The following PIERCE2 variants were observed in gnomAD, a reference collection of about 807,000 sequenced individuals.
PIERCE2 encodes piercer of microtubule wall 2, also known as piercer of microtubule wall 2 protein.
chr15:55,413,549 G>A, the PIERCE2 span, among the ~76,000 whole-genome samples: 15 of 151,990 alleles, frequency 9.9e-5, no homozygotes, highest in Non-Finnish European at 1.9e-4. Context: ...ACTTGAGGTC[G>A]GGAGTTTGAG....
the PIERCE2 span, chr15:55,410,656 T>C: frequency 6.6e-6 from 1 of 151,658 alleles, no homozygotes; most frequent in African/African-American, 2.4e-5. Context: ...TCTCAAAAAA[T>C]AAAAAAATAA....
At chr15:55,418,149 G>C in the PIERCE2 span, 2 of 1,569,974 alleles carry the variant, frequency 1.3e-6, no homozygotes, top group Non-Finnish European at 1.7e-6. Context: ...AAAGGGAAGT[G>C]GGTGGGACTG....
chr15:55,409,811 C>A, the PIERCE2 span, among the ~76,000 whole-genome samples: 1 of 152,148 alleles, frequency 6.6e-6, no homozygotes, highest in Admixed American at 6.6e-5. Flanking sequence ...ACTAAGAAAG[C>A]TAATACCAGC....
At chr15:55,418,223 G>A in the PIERCE2 span, 1 of 1,570,782 alleles carries the variant, frequency 6.4e-7, no homozygotes, top group Non-Finnish European at 8.6e-7. Context: ...TATCTTTTAG[G>A]ATAAGAAAAG....
At chr15:55,413,472 T>G in the PIERCE2 span, among the ~76,000 whole-genome samples, 5,530 of 151,540 alleles carry the variant, frequency 0.036, 104 homozygotes, top group African/African-American at 0.05. Flanking sequence ...AAGAATGTTT[T>G]TAAGGGCCGG....
At chr15:55,413,023 C>T in the PIERCE2 span, among the ~76,000 whole-genome samples, 8 of 152,252 alleles carry the variant, frequency 5.3e-5, no homozygotes, top group East Asian at 1.5e-3. Flanking sequence ...AATCCCAGCA[C>T]TTTGGGAGGC....
the PIERCE2 span, chr15:55,418,529 A>G: frequency 6.6e-7 from 1 of 1,513,924 alleles, no homozygotes; most frequent in Non-Finnish European, 8.8e-7. Context: ...ACCTGACAGA[A>G]CCAGAACTCT....
At chr15:55,417,099 A>T in the PIERCE2 span, among the ~76,000 whole-genome samples, 2 of 152,196 alleles carry the variant, frequency 1.3e-5, no homozygotes, top group Non-Finnish European at 2.9e-5. Context: ...AACAACAGCC[A>T]AAGTAATTTT....
chr15:55,418,578 T>G, the PIERCE2 span: 1 of 1,401,506 alleles, frequency 7.1e-7, no homozygotes, highest in Non-Finnish European at 9.5e-7. Flanking sequence ...TGAAAATATA[T>G]TCCTTTGTAT....
chr15:55,418,559 C>T, the PIERCE2 span: 3 of 1,459,160 alleles, frequency 2.1e-6, no homozygotes, highest in East Asian at 2.5e-5. Flanking sequence ...TAATATTCAA[C>T]ACACTCTATG....
chr15:55,410,301 G>A, the PIERCE2 span, among the ~76,000 whole-genome samples: 6 of 152,094 alleles, frequency 3.9e-5, no homozygotes, highest in Admixed American at 1.3e-4. Context: ...AAAGCTGAAC[G>A]AAATTCTAGA....
At chr15:55,418,181 G>A in the PIERCE2 span, 2 of 1,559,704 alleles carry the variant, frequency 1.3e-6, no homozygotes, top group South Asian at 2.5e-5. Context: ...TTTTTTTTCA[G>A]AACTTTATAA....
At chr15:55,409,364 C>G in the PIERCE2 span, among the ~76,000 whole-genome samples, 1 of 151,592 alleles carries the variant, frequency 6.6e-6, no homozygotes, top group Non-Finnish European at 1.5e-5. Flanking sequence ...GAGATTGCGC[C>G]ACTGAACTGC....
the PIERCE2 span, chr15:55,418,644 CT>C: frequency 9.9e-7 from 1 of 1,005,420 alleles, no homozygotes; most frequent in Non-Finnish European, 1.4e-6. Flanking sequence ...GGTAGAATAC[CT>C]AATAAAGAAG....
chr15:55,415,451 C>G, the PIERCE2 span, among the ~76,000 whole-genome samples: 5 of 133,806 alleles, frequency 3.7e-5, no homozygotes, highest in South Asian at 4.9e-4. Flanking sequence ...AGTGAAACTT[C>G]GTCTCAAAAA....
At chr15:55,418,662 A>C in the PIERCE2 span, 1 of 901,836 alleles carries the variant, frequency 1.1e-6, no homozygotes, top group Non-Finnish European at 1.6e-6. Flanking sequence ...GAAGATAAAA[A>C]GTTTTGAATC....
At chr15:55,418,062 G>A in the PIERCE2 span, 2 of 1,473,884 alleles carry the variant, frequency 1.4e-6, no homozygotes, top group Admixed American at 4.3e-5. Context: ...ATACGTGCAG[G>A]TCACTAGGGA....
At chr15:55,412,434 T>C in the PIERCE2 span, among the ~76,000 whole-genome samples, 79,846 of 152,022 alleles carry the variant, frequency 0.53, 22,124 homozygotes, top group East Asian at 0.89. Context: ...AGAAGAGATC[T>C]GAGAGGTCAA....
chr15:55,413,898 A>T, the PIERCE2 span, among the ~76,000 whole-genome samples: 1 of 147,612 alleles, frequency 6.8e-6, no homozygotes, highest in Admixed American at 6.9e-5. Context: ...TTACATAGAG[A>T]AATGCTTTTT....
Sources: allele counts gnomAD v4.1 joint callset (sites outside exome capture counted in the v4.1 genomes callset), GRCh38; gene constraint gnomAD v4.1.1; transcripts MANE v1.5; gene names NCBI Gene and HGNC (gene_info 2026-07-23, HGNC 2026-07-21).